The following RELB variants were observed in gnomAD, a reference collection of about 807,000 sequenced individuals.
RELB encodes RELB proto-oncogene, NF-kB subunit.
Under a neutral mutation model 55.4 loss-of-function variants are expected in RELB, and 14 were observed. That is an observed-to-expected ratio of 0.25 (90% CI 0.17 to 0.40). The LOEUF (loss-of-function observed/expected upper bound fraction) is 0.40. Among genes scored for constraint, RELB ranks in the 10% least tolerant of loss-of-function variants. RELB has a pLI of 1.00. For synonymous variants in RELB, 409 were observed against 371.3 expected, an observed-to-expected ratio of 1.10 and a Z score of -1.17; for missense variants, 669 against 830.7, an observed-to-expected ratio of 0.81 and a Z score of 2.39.
chr19:45,001,889 G>T (rs112102364), intron 1 of RELB, among the ~76,000 whole-genome samples: 2 of 152,108 alleles, frequency 1.3e-5, no homozygotes, highest in East Asian at 1.9e-4. Context: ...CGAGCGAGGC[G>T]TCCCGCTGTA....
Position 45,028,432 on chromosome 19 carries a change from C to T in RELB, c.887-456C>T, listed in dbSNP as rs564779306. Among the ~76,000 whole-genome samples, 3 of 152,210 alleles carry T rather than the reference C, an allele frequency of 2.0e-5. No homozygotes were observed. The East Asian group carries it at 5.8e-4, about 29-fold the overall frequency. On this transcript the variant is annotated intron_variant, in intron 7 of 11. Coordinates refer to ENST00000221452, the MANE Select transcript of RELB (RefSeq NM_006509.4). ...TGGTGCAATCTCAGCTCCCTGCAAC[C>T]CCTGTCTCCTGGGTTCAAGTGATTC...
At chr19:45,010,929 C>G (rs1971343007) in intron 3 of RELB, among the ~76,000 whole-genome samples, 1 of 152,112 alleles carries the variant, frequency 6.6e-6, no homozygotes, top group South Asian at 2.1e-4. Context: ...GATCTTGGCT[C>G]ACTGCAACCT....
In RELB at chr19:45,008,535, C is replaced by T. The variant is rs1971311321; in HGVS notation, c.155-1279C>T. The T allele has an allele frequency of 5.3e-5, 24 of 456,116 alleles. 1 individual carries two copies. Among genetic ancestry groups the T allele is most frequent in the Middle Eastern group, 6.5e-4 (2 of 3,096 alleles). The allele number at this position is 456,116 out of a possible 1,614,324, so 28.3% of individuals were successfully genotyped here. A position where few individuals can be genotyped will look rare whatever the true frequency, so the allele number is the denominator to read the frequency against. Reference sequence around the variant, plus strand: ...GGTTGGCCCTGCCACTGACCTAGAGCGTGTCCCTTCCTCTCTGCCAGCCTC... The same window carrying T: ...GGTTGGCCCTGCCACTGACCTAGAGTGTGTCCCTTCCTCTCTGCCAGCCTC... On this transcript the variant is annotated intron_variant, in intron 2 of 11. Coordinates refer to ENST00000221452, the MANE Select transcript of RELB (RefSeq NM_006509.4).
chr19:45,015,626 A>G (rs536636187), intron 4 of RELB, among the ~76,000 whole-genome samples: 3 of 151,624 alleles, frequency 2.0e-5, no homozygotes, highest in African/African-American at 7.3e-5. Context: ...TCCCAGCACC[A>G]TGGGAGGCTG....
chr19:45,033,191 G>A (rs973836453), intron 9 of RELB, among the ~76,000 whole-genome samples: 1 of 152,154 alleles, frequency 6.6e-6, no homozygotes, highest in African/African-American at 2.4e-5. Flanking sequence ...GCCCAGAGGG[G>A]GTACCTGACC....
Position 45,009,795 on chromosome 19 carries a change from CTT to C in RELB, c.155-17_155-16del. 6.3e-7 allele frequency: 1 copy of C among 1,599,228 alleles called. No individual in the cohort carries two copies. Among genetic ancestry groups the C allele is most frequent in the South Asian group, 1.1e-5 (1 of 91,058 alleles). ...TTCTGGACCTTACCTTTCTCTTTCT[CTT>C]TCTCTTCCTTCCACAGATGAATTGG... On this transcript the variant is annotated splice_polypyrimidine_tract_variant and intron_variant, in intron 2 of 11. Transcript: ENST00000221452.
chr19:45,001,680 C>A lies in RELB; in HGVS notation c.101C>A (p.Ala34Asp). Residue 34 changes from alanine to aspartate, a missense_variant, in exon 1 of 12, where the codon GCC becomes GAC. Around this residue, in one of 3 missense-constraint regions of RELB, gnomAD observed 323 missense variants for 368.5 expected, o/e 0.88. Coordinates refer to ENST00000221452, the MANE Select transcript of RELB (RefSeq NM_006509.4). ...CCGCCGGCTGCGCCGGAGCTGGGGG[C>A]CTTAGGTAAGCGGGGCTGGGGTTCA... ...ARPPAAPELG[A>D]LGSPDLSSLS... 6.6e-7 allele frequency: 1 copy of A among 1,519,898 alleles called. No individual in the cohort carries two copies. The highest frequency in any genetic ancestry group is 8.8e-7 in the Non-Finnish European group (1 of 1,139,364). 94.2% of individuals were successfully genotyped at this position (1,519,898 alleles called of 1,614,324 possible).
intron 7 of RELB, 71 bp from the exon 8 acceptor site, chr19:45,028,817 C>T (rs1971587622): frequency 7.7e-7 from 1 of 1,306,080 alleles, no homozygotes; most frequent in Admixed American, 2.0e-5. Context: ...CCACTGGGTG[C>T]CCAGTAAGGC....
chr19:45,016,727 C>A (rs547971192), intron 4 of RELB, among the ~76,000 whole-genome samples: 3 of 152,242 alleles, frequency 2.0e-5, no homozygotes, highest in Admixed American at 2.0e-4. Context: ...AGGTGTGATG[C>A]ATGCCTGTAA....
At chr19:45,011,293 G>T (rs1046494544) in intron 3 of RELB, among the ~76,000 whole-genome samples, 8 of 152,074 alleles carry the variant, frequency 5.3e-5, no homozygotes, top group Non-Finnish European at 8.8e-5. Context: ...CTCCTGAGTT[G>T]CTGGGACTAC....
intron 5 of RELB, among the ~76,000 whole-genome samples, chr19:45,022,700 AC>A (rs1324259470): frequency 6.6e-6 from 1 of 151,874 alleles, no homozygotes; most frequent in East Asian, 1.9e-4. Context: ...GGCATGCGAC[AC>A]TACACCCAGC....
At chr19:45,030,181 A>G (rs897628765) in intron 8 of RELB, among the ~76,000 whole-genome samples, 1 of 151,688 alleles carries the variant, frequency 6.6e-6, no homozygotes, top group Non-Finnish European at 1.5e-5. Context: ...AATCAAAACC[A>G]AAAACAAACC....
At chr19:45,003,340 T>C (rs1600059295) in intron 2 of RELB, among the ~76,000 whole-genome samples, 1 of 151,794 alleles carries the variant, frequency 6.6e-6, no homozygotes. Flanking sequence ...CCGGGCGTGG[T>C]GGCGGGCTCC....
At position 45,025,310 on chromosome 19, in the gene RELB, TC is replaced by T; in HGVS notation, c.663-14del. 1.3e-6 allele frequency: 2 copies of T among 1,584,294 alleles called. No individual in the cohort carries two copies. Among genetic ancestry groups the T allele is most frequent in the Non-Finnish European group, 1.7e-6 (2 of 1,160,776 alleles). ...GCCTGCTCACGAGCACTCCTCTCCC[TC>T]CCCCGTCACCCCCTCAGTTTTAACA... On this transcript the variant is annotated intron_variant, in intron 5 of 11. Transcript: ENST00000221452.
intron 7 of RELB, among the ~76,000 whole-genome samples, chr19:45,027,821 G>A (rs1971576224): frequency 6.6e-6 from 1 of 151,772 alleles, no homozygotes; most frequent in Middle Eastern, 3.2e-3. Flanking sequence ...CTCTCACCTG[G>A]GACCCCATCA....
At chr19:45,009,727 G>A in intron 2 of RELB, 87 bp from the exon 3 acceptor site, 2 of 1,482,750 alleles carry the variant, frequency 1.3e-6, no homozygotes, top group South Asian at 2.3e-5. Context: ...AGGAGGGACA[G>A]GGTTGGGGAA....
intron 5 of RELB, among the ~76,000 whole-genome samples, chr19:45,023,948 ACCACG>A (rs1971525315): frequency 1.6e-5 from 2 of 123,832 alleles, no homozygotes; most frequent in Non-Finnish European, 3.4e-5. Flanking sequence ...ACGGGGTTTC[ACCACG>A]TTGGTCAGGC....
chr19:45,017,953 T>A (rs1971440237), intron 4 of RELB, among the ~76,000 whole-genome samples: 1 of 150,614 alleles, frequency 6.6e-6, no homozygotes, highest in African/African-American at 2.4e-5. Context: ...CCCTTTTGAT[T>A]AGTTTGGATG....
chr19:45,037,258 G>C (rs1971698615), intron 11 of RELB, 147 bp from the exon 12 acceptor site: 1 of 872,718 alleles, frequency 1.1e-6, no homozygotes, highest in Admixed American at 2.8e-5. Flanking sequence ...CTCCAGCCAG[G>C]GTGACAGAAT....
Sources: allele counts gnomAD v4.1 joint callset (sites outside exome capture counted in the v4.1 genomes callset), GRCh38; gene constraint gnomAD v4.1.1; regional missense constraint gnomAD v4.1.1; transcripts MANE v1.5; gene names NCBI Gene and HGNC (gene_info 2026-07-23, HGNC 2026-07-21).